ASPRV1: variants seen among roughly 807,000 people sequenced by gnomAD.
The protein encoded by ASPRV1 is retroviral-like aspartic protease 1.
Under a neutral mutation model 11.0 loss-of-function variants are expected in ASPRV1, and 7 were observed. The ratio of observed to expected loss-of-function variants is 0.64; its 90% CI spans 0.36 to 1.20. ASPRV1 has a LOEUF of 1.20. Ranked by LOEUF, ASPRV1 falls within the 50% of genes most tolerant of loss-of-function variation. ASPRV1 has a pLI of 0.02. For missense variants in ASPRV1, 299 were observed against 320.0 expected (o/e 0.93, Z 0.50); for synonymous variants, 136 against 138.4 (o/e 0.98, Z 0.12).
At chr2:69,986,803 G>A in the ASPRV1 span, among the ~76,000 whole-genome samples, 2 of 152,220 alleles carry the variant, frequency 1.3e-5, no homozygotes, top group Non-Finnish European at 2.9e-5. Context: ...CTGTGCACAC[G>A]TCTCACTGTG....
chr2:70,058,745 G>A, the ASPRV1 span, among the ~76,000 whole-genome samples: 1 of 150,952 alleles, frequency 6.6e-6, no homozygotes, highest in African/African-American at 2.4e-5. Context: ...TAGAGACAGG[G>A]TTTCACCATG....
chr2:70,011,150 A>G, the ASPRV1 span, among the ~76,000 whole-genome samples: 2 of 152,068 alleles, frequency 1.3e-5, no homozygotes, highest in African/African-American at 4.8e-5. Flanking sequence ...GGAGCAAAAA[A>G]AATAACTCTT....
At chr2:69,962,014 T>C (rs1220087429), upstream of ASPRV1, 3 of 287,812 alleles carry the variant, frequency 1.0e-5, no homozygotes, top group Non-Finnish European at 2.1e-5. Flanking sequence ...AACAAGTGAC[T>C]ACTTTGAGTG....
At chr2:69,994,680 C>T in the ASPRV1 span, among the ~76,000 whole-genome samples, 3 of 152,160 alleles carry the variant, frequency 2.0e-5, no homozygotes, top group Non-Finnish European at 4.4e-5. Context: ...TAGTGGGTCA[C>T]AACCAGCCTT....
the ASPRV1 span, among the ~76,000 whole-genome samples, chr2:70,014,360 T>C: frequency 6.6e-6 from 1 of 151,894 alleles, no homozygotes; most frequent in Admixed American, 6.6e-5. Flanking sequence ...GCAAAGGAAT[T>C]GAACAGACAT....
At chr2:70,012,580 G>C in the ASPRV1 span, among the ~76,000 whole-genome samples, 35 of 152,206 alleles carry the variant, frequency 2.3e-4, no homozygotes, top group African/African-American at 7.9e-4. Flanking sequence ...CAATGAAGAG[G>C]CACCAAACTG....
the ASPRV1 span, among the ~76,000 whole-genome samples, chr2:69,936,696 C>A: frequency 6.6e-6 from 1 of 152,160 alleles, no homozygotes; most frequent in African/African-American, 2.4e-5. Context: ...CTAAACTCTT[C>A]TGTTGGACAA....
At chr2:70,004,259 C>T in the ASPRV1 span, among the ~76,000 whole-genome samples, 23,031 of 152,008 alleles carry the variant, frequency 0.15, 2,695 homozygotes, top group East Asian at 0.31. Context: ...AAGCCAGGCG[C>T]GGTGGCTCAT....
At chr2:69,944,133 T>C in the ASPRV1 span, among the ~76,000 whole-genome samples, 1 of 152,186 alleles carries the variant, frequency 6.6e-6, no homozygotes, top group African/African-American at 2.4e-5. Flanking sequence ...TAATAGTGCA[T>C]TGGTCACAAC....
chr2:70,075,332 A>G, the ASPRV1 span: 2 of 136,682 alleles, frequency 1.5e-5, no homozygotes, highest in Non-Finnish European at 3.1e-5. Flanking sequence ...GAATGGTCAG[A>G]GCAAGACAAC....
chr2:69,992,008 C>A, the ASPRV1 span, among the ~76,000 whole-genome samples: 5 of 152,266 alleles, frequency 3.3e-5, no homozygotes, highest in African/African-American at 1.2e-4. Context: ...CCGTGGGGAA[C>A]GTGACCACCT....
At chr2:69,998,462 C>T in the ASPRV1 span, among the ~76,000 whole-genome samples, 3 of 152,152 alleles carry the variant, frequency 2.0e-5, no homozygotes, top group African/African-American at 7.2e-5. Flanking sequence ...CTTTCTGGTG[C>T]CGGGCGCAGT....
chr2:70,048,630 TG>T, the ASPRV1 span: 1 of 152,406 alleles, frequency 6.6e-6, no homozygotes, highest in African/African-American at 2.4e-5. Context: ...AAAATGAAGA[TG>T]GTAAGAGTGT....
At chr2:70,052,759 T>C in the ASPRV1 span, among the ~76,000 whole-genome samples, 5 of 152,236 alleles carry the variant, frequency 3.3e-5, no homozygotes, top group African/African-American at 4.8e-5. Context: ...TTTCAATACA[T>C]AGGAAACAGA....
the ASPRV1 span, among the ~76,000 whole-genome samples, chr2:70,060,628 C>G: frequency 1.3e-5 from 2 of 151,942 alleles, no homozygotes. Context: ...GCCTGACCAC[C>G]ACGGTGAAAC....
chr2:69,944,522 C>T, the ASPRV1 span, among the ~76,000 whole-genome samples: 1 of 152,208 alleles, frequency 6.6e-6, no homozygotes, highest in Non-Finnish European at 1.5e-5. Flanking sequence ...CCCAAACCCA[C>T]AGAGCTAGTG....
chr2:70,006,160 AAAT>A, the ASPRV1 span, among the ~76,000 whole-genome samples: 1 of 152,170 alleles, frequency 6.6e-6, no homozygotes, highest in Non-Finnish European at 1.5e-5. Context: ...TGACGACTAA[AAAT>A]ATCTCCAGAC....
chr2:70,076,314 G>A, the ASPRV1 span, among the ~76,000 whole-genome samples: 2 of 152,152 alleles, frequency 1.3e-5, no homozygotes, highest in South Asian at 2.1e-4. Flanking sequence ...AACTAATTCC[G>A]TCATTTATAT....
At chr2:70,055,175 C>T in the ASPRV1 span, among the ~76,000 whole-genome samples, 7 of 152,016 alleles carry the variant, frequency 4.6e-5, no homozygotes, top group Admixed American at 1.3e-4. Flanking sequence ...TGGTGGCGCA[C>T]GCCTGTAATC....
Sources: gnomAD v4.1 joint callset for allele counts (sites outside exome capture counted in the v4.1 genomes callset) on GRCh38, gnomAD v4.1.1 for gene constraint, MANE v1.5 for transcripts, NCBI Gene and HGNC (gene_info 2026-07-23, HGNC 2026-07-21) for gene names.